The following LRP1B variants were observed in gnomAD, a reference collection of about 807,000 sequenced individuals.
LRP1B encodes low-density lipoprotein receptor-related protein 1B.
In LRP1B, 217 loss-of-function variants were observed where a neutral mutation model predicts 556.6. The ratio of observed to expected loss-of-function variants is 0.39; its 90% CI spans 0.35 to 0.44. The LOEUF is 0.44. Ranked by LOEUF, LRP1B falls within the 20% of genes least tolerant of loss-of-function variation. The pLI is 1.00. For missense variants in LRP1B, 5,053 were observed against 5,620.8 expected (o/e 0.90, Z 3.23); for synonymous variants, 2,047 against 1,865.8 (o/e 1.10, Z -2.50).
intron 14 of LRP1B, among the ~76,000 whole-genome samples, chr2:141,006,323 T>C (rs764736189): frequency 7.9e-5 from 12 of 152,164 alleles, no homozygotes; most frequent in Admixed American, 2.0e-4. Flanking sequence ...TATTTGAAAC[T>C]ATATATCATC....
intron 83 of LRP1B, among the ~76,000 whole-genome samples, chr2:140,302,755 G>A (rs1683887881): frequency 6.6e-6 from 1 of 152,022 alleles, no homozygotes; most frequent in African/African-American, 2.4e-5. Context: ...TCTCCTGGCT[G>A]AGGACATCAG....
In LRP1B at chr2:140,724,549, T is replaced by A. The variant is rs551834387; in HGVS notation, c.5759-7733A>T. Among the ~76,000 whole-genome samples, 27 of 152,300 alleles carry A rather than the reference T, an allele frequency of 1.8e-4. No homozygotes were observed. In the East Asian group the frequency reaches 5.0e-3, roughly 28 times the overall value. ...TTATGTGTTAAATTGCAAAAAATTC[T>A]ATATAAAGTGTGTTTCAATTTCTTC... is the stretch of plus-strand genomic sequence containing the variant. On this transcript the variant is annotated intron_variant, in intron 35 of 90. Transcript: ENST00000389484.
chr2:140,870,170 G>T (rs1693082539), intron 25 of LRP1B, among the ~76,000 whole-genome samples: 1 of 152,116 alleles, frequency 6.6e-6, no homozygotes, highest in Non-Finnish European at 1.5e-5. Flanking sequence ...ACCACACCCA[G>T]ACAGACTTTT....
chr2:141,020,962 T>G (rs1698048340), intron 11 of LRP1B, among the ~76,000 whole-genome samples: 2 of 152,004 alleles, frequency 1.3e-5, no homozygotes, highest in Admixed American at 1.3e-4. Context: ...TTCTGTAGCA[T>G]CCTGTCTTCA....
intron 3 of LRP1B, among the ~76,000 whole-genome samples, chr2:141,337,607 A>G (rs1306141232): frequency 6.6e-6 from 1 of 152,144 alleles, no homozygotes; most frequent in African/African-American, 2.4e-5. Context: ...TAATAGATCG[A>G]CTATTTATGT....
intron 43 of LRP1B, among the ~76,000 whole-genome samples, chr2:140,555,289 A>G (rs1407524652): frequency 2.6e-5 from 4 of 151,986 alleles, no homozygotes; most frequent in Non-Finnish European, 4.4e-5. Flanking sequence ...CTGTAGTTAT[A>G]CATACGCATG....
intron 89 of LRP1B, 77 bp from the exon 90 acceptor site, chr2:140,234,961 T>A (rs972820817): frequency 1.1e-5 from 7 of 661,986 alleles, no homozygotes; most frequent in African/African-American, 1.8e-5. Flanking sequence ...TCATGTTAAT[T>A]CATAAAAATA....
intron 66 of LRP1B, among the ~76,000 whole-genome samples, chr2:140,426,391 C>G (rs1053340666): frequency 6.6e-6 from 1 of 152,122 alleles, no homozygotes; most frequent in Admixed American, 6.5e-5. Context: ...TGAAATATTT[C>G]TTTCAGGCCT....
At chr2:140,829,790 C>T (rs1343912351) in intron 31 of LRP1B, among the ~76,000 whole-genome samples, 1 of 151,082 alleles carries the variant, frequency 6.6e-6, no homozygotes, top group Non-Finnish European at 1.5e-5. Context: ...GAAATAAATA[C>T]AATTGAGAAT....
chr2:140,572,580 A>C (rs28867993), intron 43 of LRP1B, among the ~76,000 whole-genome samples: 1 of 151,710 alleles, frequency 6.6e-6, no homozygotes, highest in African/African-American at 2.4e-5. Flanking sequence ...GGTCTCAAAA[A>C]ATAAAAAATA....
At chr2:140,286,306 C>T (rs951950333) in intron 84 of LRP1B, among the ~76,000 whole-genome samples, 3 of 151,632 alleles carry the variant, frequency 2.0e-5, no homozygotes, top group East Asian at 1.9e-4. Flanking sequence ...TGAAACTAAC[C>T]GAAGTTTGCC....
At chr2:140,773,296 C>T (rs1472042114) in intron 33 of LRP1B, among the ~76,000 whole-genome samples, 1 of 152,122 alleles carries the variant, frequency 6.6e-6, no homozygotes, top group South Asian at 2.1e-4. Flanking sequence ...GAAACCCCGT[C>T]TCTGCTAAAA....
At chr2:141,895,910 G>A (rs1170237868) in intron 1 of LRP1B, among the ~76,000 whole-genome samples, 1 of 151,928 alleles carries the variant, frequency 6.6e-6, no homozygotes, top group Non-Finnish European at 1.5e-5. Context: ...TTTATTTTTT[G>A]AGTTAGTAAG....
intron 35 of LRP1B, among the ~76,000 whole-genome samples, chr2:140,767,672 A>G (rs2104930748): frequency 6.6e-6 from 1 of 151,536 alleles, no homozygotes; most frequent in South Asian, 2.1e-4. Context: ...TTATACTTTA[A>G]GTTTTAGGGT....
chr2:140,620,395 T>C (rs1484475058), intron 41 of LRP1B, among the ~76,000 whole-genome samples: 1 of 152,242 alleles, frequency 6.6e-6, no homozygotes, highest in Admixed American at 6.5e-5. Flanking sequence ...TTGTACTATA[T>C]ACTTCCTAGA....
At chr2:140,749,710 C>A (rs1298512924) in intron 35 of LRP1B, among the ~76,000 whole-genome samples, 1 of 152,028 alleles carries the variant, frequency 6.6e-6, no homozygotes, top group Non-Finnish European at 1.5e-5. Flanking sequence ...GAAGGACCTG[C>A]CTGAGGCTGT....
chr2:140,500,817 A>G (rs1190554206), intron 55 of LRP1B, among the ~76,000 whole-genome samples: 1 of 151,926 alleles, frequency 6.6e-6, no homozygotes, highest in Non-Finnish European at 1.5e-5. Context: ...ACATGTGCGC[A>G]GTACCCCCGG....
intron 77 of LRP1B, among the ~76,000 whole-genome samples, chr2:140,344,402 C>T (rs1265259667): frequency 6.6e-6 from 1 of 151,662 alleles, no homozygotes; most frequent in African/African-American, 2.4e-5. Flanking sequence ...TTCAACAAGA[C>T]TGCCTGATTT....
chr2:141,250,745 G>A (rs749949950), intron 4 of LRP1B, among the ~76,000 whole-genome samples: 3 of 151,998 alleles, frequency 2.0e-5, no homozygotes, highest in South Asian at 4.1e-4. Flanking sequence ...TGCAGTCTAC[G>A]CTACCTCTGG....
Sources: gnomAD v4.1 joint callset for allele counts (sites outside exome capture counted in the v4.1 genomes callset) on GRCh38, gnomAD v4.1.1 for gene constraint, MANE v1.5 for transcripts, NCBI Gene and HGNC (gene_info 2026-07-23, HGNC 2026-07-21) for gene names.